ARID1B: variants seen among roughly 807,000 people sequenced by gnomAD.
ARID1B encodes the protein AT-rich interaction domain 1B, also known as AT-rich interactive domain-containing protein 1B.
ARID1B carries 30 observed loss-of-function variants against 212.3 expected under a neutral mutation model. The observed-to-expected ratio is 0.14, with a 90% CI of 0.11 to 0.19. The LOEUF (loss-of-function observed/expected upper bound fraction) is 0.19. ARID1B is among the 10% of genes least tolerant of loss of function. The probability of loss-of-function intolerance (pLI) is 1.00; values close to 1 mark genes in which losing one functional copy is unlikely to be tolerated. For synonymous variants in ARID1B, 1,402 were observed against 1,301.7 expected, an observed-to-expected ratio of 1.08 and a Z score of -1.66; for missense variants, 2,891 against 3,204.0, an observed-to-expected ratio of 0.90 and a Z score of 2.36.
intron 4 of ARID1B, among the ~76,000 whole-genome samples, chr6:156,979,896 A>G (rs1210780529): frequency 6.6e-6 from 1 of 150,612 alleles, no homozygotes; most frequent in African/African-American, 2.5e-5. Context: ...TTTTTGAGAC[A>G]GGGTCTCACT....
intron 8 of ARID1B, among the ~76,000 whole-genome samples, chr6:157,155,621 C>T (rs1241073730): frequency 6.6e-6 from 1 of 152,152 alleles, no homozygotes; most frequent in Non-Finnish European, 1.5e-5. Flanking sequence ...ACTAGGGTCA[C>T]TGAAATTAGC....
chr6:156,963,907 T>C (rs982704043), intron 4 of ARID1B, among the ~76,000 whole-genome samples: 1 of 152,256 alleles, frequency 6.6e-6, no homozygotes, highest in African/African-American at 2.4e-5. Context: ...TAAGTTTGGA[T>C]TCTGGAAACG....
chr6:156,836,658 G>A (rs1216663012), intron 2 of ARID1B, among the ~76,000 whole-genome samples: 1 of 151,924 alleles, frequency 6.6e-6, no homozygotes, highest in Non-Finnish European at 1.5e-5. Flanking sequence ...TTTCATTTCA[G>A]TATTAGATTT....
At chr6:157,141,738 G>T (rs144093029) in intron 7 of ARID1B, among the ~76,000 whole-genome samples, 1 of 152,106 alleles carries the variant, frequency 6.6e-6, no homozygotes, top group East Asian at 1.9e-4. Context: ...CTAAAGCCAC[G>T]TTGATTTCTA....
chr6:156,977,690 TGC>T (rs754321326), intron 4 of ARID1B, among the ~76,000 whole-genome samples: 1,114 of 84,864 alleles, frequency 0.013, 33 homozygotes, highest in Non-Finnish European at 0.011. Flanking sequence ...TGTTTTTGTT[TGC>T]TTTTGTTTTT....
chr6:157,143,155 T>C (rs961110594), intron 7 of ARID1B, among the ~76,000 whole-genome samples: 1 of 152,140 alleles, frequency 6.6e-6, no homozygotes, highest in African/African-American at 2.4e-5. Context: ...TTTCCAAAGC[T>C]AGTGTGCCAA....
At chr6:156,922,627 A>C (rs1401889032) in intron 3 of ARID1B, among the ~76,000 whole-genome samples, 1 of 152,358 alleles carries the variant, frequency 6.6e-6, no homozygotes, top group African/African-American at 2.4e-5. Flanking sequence ...GGTTATTTGC[A>C]GCTAATCTGG....
intron 5 of ARID1B, among the ~76,000 whole-genome samples, chr6:157,093,093 A>G (rs1280502111): frequency 6.6e-6 from 1 of 152,184 alleles, no homozygotes; most frequent in Non-Finnish European, 1.5e-5. Flanking sequence ...TTCGCTGAGA[A>G]TGAAGATTCA....
intron 2 of ARID1B, among the ~76,000 whole-genome samples, chr6:156,860,023 G>A (rs1004756323): frequency 1.3e-5 from 2 of 152,206 alleles, no homozygotes; most frequent in African/African-American, 4.8e-5. Flanking sequence ...GATAAACCAT[G>A]AAAGTGTTCA....
intron 7 of ARID1B, among the ~76,000 whole-genome samples, chr6:157,146,114 C>G (rs932122280): frequency 1.2e-4 from 19 of 152,104 alleles, no homozygotes; most frequent in African/African-American, 4.6e-4. Flanking sequence ...GCCCCAGTGG[C>G]TGTCCCAAGT....
At chr6:156,814,968 T>C (rs1331633320) in intron 1 of ARID1B, among the ~76,000 whole-genome samples, 1 of 152,186 alleles carries the variant, frequency 6.6e-6, no homozygotes, top group Non-Finnish European at 1.5e-5. Context: ...TATTAAATAT[T>C]AAATAGTGAG....
chr6:157,110,565 C>T lies in ARID1B; in HGVS notation c.2581+4C>T, dbSNP rs372073557. 39 of 1,613,848 alleles carry T rather than the reference C, an allele frequency of 2.4e-5. No individual in the cohort carries two copies. The highest frequency in any genetic ancestry group is 1.3e-5 in the African/African-American group (1 of 74,914). On this transcript the variant is annotated splice_donor_region_variant and intron_variant, in intron 6 of 19. Coordinates refer to ENST00000636930, the MANE Select transcript of ARID1B (RefSeq NM_001374828.1). ...TCACCAATGCCACAGGAAAGAGGTT[C>T]GTCTCCAGTTCATGTCTTACATGCC...
At chr6:157,011,297 A>G (rs768531999) in intron 4 of ARID1B, among the ~76,000 whole-genome samples, 1 of 152,246 alleles carries the variant, frequency 6.6e-6, no homozygotes, top group Non-Finnish European at 1.5e-5. Flanking sequence ...TAGTTCCTTC[A>G]AGCTCTAATT....
At chr6:156,901,350 A>G (rs1582908590) in intron 2 of ARID1B, 26 bp from the exon 3 acceptor site, 1 of 1,614,028 alleles carries the variant, frequency 6.2e-7, no homozygotes, top group Non-Finnish European at 8.5e-7. Flanking sequence ...TGACTTTCTC[A>G]TTTGCTTTGC....
At chr6:157,085,383 G>A (rs1467232785) in intron 5 of ARID1B, among the ~76,000 whole-genome samples, 1 of 152,192 alleles carries the variant, frequency 6.6e-6, no homozygotes, top group African/African-American at 2.4e-5. Flanking sequence ...GTGGAGCATG[G>A]TCGAGGCGTT....
Position 157,130,831 on chromosome 6 carries a change from C to T in ARID1B, c.2582-2197C>T, listed in dbSNP as rs58157296. On this transcript the variant is annotated intron_variant, in intron 6 of 19. Coordinates refer to ENST00000636930, the MANE Select transcript of ARID1B (RefSeq NM_001374828.1). The stretch of plus-strand genomic sequence containing the variant: ...GGTTCTCCTGAAGCAGAAACCTGCC[C>T]GTCTCCAGCTAGAGCCTTCACCTGG... Among the ~76,000 whole-genome samples the T allele has an allele frequency of 5.1e-3, 774 of 152,296 alleles. 6 individuals are homozygous for T. The highest frequency in any genetic ancestry group is 0.018 in the African/African-American group (730 of 41,558).
intron 4 of ARID1B, among the ~76,000 whole-genome samples, chr6:157,041,875 G>T (rs1057189469): frequency 6.6e-6 from 1 of 152,074 alleles, no homozygotes; most frequent in Non-Finnish European, 1.5e-5. Context: ...CTCTTACTAA[G>T]GTCCCCAACG....
At position 157,174,038 on chromosome 6, in the gene ARID1B, C is replaced by T. The variant is rs540277176; in HGVS notation, c.3266C>T (p.Pro1089Leu). ...GTGGGTCTTGCAGATATGATGTCTC[C>T]TGGTGAATCCAAACTGCCCCTGCCT... is the stretch of plus-strand genomic sequence containing the variant. ...ASVGLADMMSPGESKLPLPLK... is the reference protein window; with the variant it reads ...ASVGLADMMSLGESKLPLPLK... The change falls in exon 10 of 20, where the codon CCT (proline) becomes CTT (leucine). Residue 1089 changes from proline (P) to leucine (L), a missense_variant. Transcript: ENST00000636930. The T allele has an allele frequency of 3.5e-5, 57 of 1,614,000 alleles. No homozygotes were observed. The highest frequency in any genetic ancestry group is 4.7e-5 in the Non-Finnish European group (55 of 1,180,010).
chr6:156,997,523 A>C (rs919065440), intron 4 of ARID1B, among the ~76,000 whole-genome samples: 1 of 152,204 alleles, frequency 6.6e-6, no homozygotes, highest in African/African-American at 2.4e-5. Flanking sequence ...TTAAATATTT[A>C]CAATTACCAA....
Sources: allele counts gnomAD v4.1 joint callset (sites outside exome capture counted in the v4.1 genomes callset), GRCh38; gene constraint gnomAD v4.1.1; transcripts MANE v1.5; gene names NCBI Gene and HGNC (gene_info 2026-07-23, HGNC 2026-07-21).